Variants in WWOX observed in about 807,000 individuals in gnomAD.
WWOX encodes the protein WW domain containing oxidoreductase, also known as WW domain-containing oxidoreductase.
In WWOX, 69 loss-of-function variants were observed where a neutral mutation model predicts 46.2. The ratio of observed to expected loss-of-function variants is 1.49; its 90% CI spans 1.23 to 1.82. The LOEUF (loss-of-function observed/expected upper bound fraction) is 1.82. Ranked by LOEUF, WWOX falls within the 40% of genes most tolerant of loss-of-function variation. The probability of loss-of-function intolerance (pLI) is 0.00; values close to 1 mark genes in which losing one functional copy is unlikely to be tolerated. For synonymous variants in WWOX, 359 were observed against 202.6 expected, an observed-to-expected ratio of 1.77 and a Z score of -6.56; for missense variants, 919 against 542.6, an observed-to-expected ratio of 1.69 and a Z score of -6.89.
chr16:78,874,601 A>C (rs993390805), intron 8 of WWOX, among the ~76,000 whole-genome samples: 3 of 151,768 alleles, frequency 2.0e-5, no homozygotes, highest in Admixed American at 6.6e-5. Context: ...TCTGATGGCA[A>C]GTGACTTAAA....
intron 8 of WWOX, among the ~76,000 whole-genome samples, chr16:78,863,211 G>A (rs1264071152): frequency 1.3e-5 from 2 of 152,094 alleles, no homozygotes; most frequent in African/African-American, 4.8e-5. Context: ...ACCCGCCTTG[G>A]CCTCCCAAAG....
chr16:78,370,394 A>G (rs1228983321), intron 5 of WWOX, among the ~76,000 whole-genome samples: 3 of 152,158 alleles, frequency 2.0e-5, no homozygotes, highest in Admixed American at 6.5e-5. Context: ...CATCATTAAT[A>G]TTATTCATTG....
chr16:79,067,597 C>T (rs1441859564), intron 8 of WWOX, among the ~76,000 whole-genome samples: 2 of 140,700 alleles, frequency 1.4e-5, no homozygotes, highest in South Asian at 4.6e-4. Context: ...CCTCTGCCTG[C>T]CCTGGGTTTT....
At chr16:78,830,894 G>A (rs925238049) in intron 8 of WWOX, among the ~76,000 whole-genome samples, 2 of 152,076 alleles carry the variant, frequency 1.3e-5, no homozygotes, top group Non-Finnish European at 2.9e-5. Flanking sequence ...ATAGCCATCA[G>A]GTCAGGTGCG....
intron 8 of WWOX, chr16:78,890,346 C>G (rs2044562752): frequency 6.6e-6 from 1 of 152,198 alleles, no homozygotes; most frequent in Admixed American, 6.5e-5. Context: ...CTCCATCATT[C>G]TTAAATTTGA....
chr16:78,591,630 C>G (rs1037469188), intron 8 of WWOX, among the ~76,000 whole-genome samples: 2 of 152,180 alleles, frequency 1.3e-5, no homozygotes, highest in South Asian at 2.1e-4. Context: ...CTTGAGTTCT[C>G]TGAGTCTCAG....
rs538252311 is a variant in WWOX at position 79,082,096 on chromosome 16, A to G, written c.1057-129512A>G. On this transcript the variant is annotated intron_variant, in intron 8 of 8. Transcript: ENST00000566780. Reference sequence around the variant, plus strand: ...GCCAAGCGAAAATACAGCATCATCAACTACATCCTTGAGCCTAGAACCTCT... The same window carrying G: ...GCCAAGCGAAAATACAGCATCATCAGCTACATCCTTGAGCCTAGAACCTCT... 1.3e-4 allele frequency among the ~76,000 whole-genome samples: 20 copies of G among 152,304 alleles called. 1 individual carries two copies. The South Asian group carries it at 4.1e-3, about 32-fold the overall frequency.
At chr16:78,374,527 AT>A (rs541225697) in intron 5 of WWOX, among the ~76,000 whole-genome samples, 6 of 70,892 alleles carry the variant, frequency 8.5e-5, no homozygotes, top group East Asian at 4.0e-4. Flanking sequence ...TCTGTCTTGA[AT>A]TTTTTTTTTT....
In WWOX at chr16:78,144,446, T is replaced by TATATATATATATATAC. The variant is rs1326231878; in HGVS notation, c.410-19736_410-19735insTATATATATATATACA. Among the ~76,000 whole-genome samples the TATATATATATATATAC allele has an allele frequency of 9.0e-4, 9 of 9,964 alleles. 1 individual carries two copies. Among genetic ancestry groups the TATATATATATATATAC allele is most frequent in the East Asian group, 4.4e-3 (1 of 228 alleles). The allele number at this position is 9,964 out of a possible 152,430, so 6.5% of individuals were successfully genotyped here. A position where few individuals can be genotyped will look rare whatever the true frequency, so the allele number is the denominator to read the frequency against. ...TGCCATTACTATATATATATATATA[T>TATATATATATATATAC]ACACATATATATATATACACACATA... On this transcript the variant is annotated intron_variant, in intron 4 of 8. Coordinates refer to ENST00000566780, the MANE Select transcript of WWOX (RefSeq NM_016373.4).
chr16:78,949,413 T>C (rs1026552944), intron 8 of WWOX, among the ~76,000 whole-genome samples: 5 of 152,194 alleles, frequency 3.3e-5, no homozygotes. Flanking sequence ...TCAGCTCATC[T>C]AGCATGTTTC....
chr16:78,709,951 G>T (rs1016945611), intron 8 of WWOX, among the ~76,000 whole-genome samples: 10 of 152,016 alleles, frequency 6.6e-5, no homozygotes, highest in Non-Finnish European at 1.3e-4. Flanking sequence ...GGATGGTCTT[G>T]AACCCCTGAT....
intron 8 of WWOX, among the ~76,000 whole-genome samples, chr16:78,785,943 G>C (rs896886608): frequency 5.3e-5 from 8 of 152,084 alleles, no homozygotes; most frequent in Non-Finnish European, 1.2e-4. Flanking sequence ...GTCTCATTCT[G>C]TCGCCCAGGC....
intron 8 of WWOX, among the ~76,000 whole-genome samples, chr16:78,671,930 C>T (rs994475631): frequency 3.3e-5 from 5 of 152,086 alleles, no homozygotes; most frequent in African/African-American, 1.2e-4. Context: ...CATCTCAACC[C>T]GTTAGGATTT....
intron 8 of WWOX, among the ~76,000 whole-genome samples, chr16:78,782,068 G>A (rs1432408015): frequency 6.6e-6 from 1 of 152,036 alleles, no homozygotes; most frequent in African/African-American, 2.4e-5. Flanking sequence ...GGTAGGTGGC[G>A]GCTGCGGGGA....
At position 78,440,629 on chromosome 16, in the gene WWOX, T is replaced by TCTTAC. The variant is rs1478701395; in HGVS notation, c.1056+7877_1056+7878insCTTAC. On this transcript the variant is annotated intron_variant, in intron 8 of 8. Coordinates refer to ENST00000566780, the MANE Select transcript of WWOX (RefSeq NM_016373.4). ...TTTCTGTAGTTTTTTTTTTTTCTTT[T>TCTTAC]TTTTTGAGACGGAGTGTCTCTCCGT... 3.5e-3 allele frequency among the ~76,000 whole-genome samples: 509 copies of TCTTAC among 145,808 alleles called. 2 individuals carry two copies. Among genetic ancestry groups the TCTTAC allele is most frequent in the African/African-American group, 0.013 (488 of 36,896 alleles).
intron 4 of WWOX, among the ~76,000 whole-genome samples, chr16:78,129,149 G>T (rs1203748504): frequency 6.6e-6 from 1 of 152,250 alleles, no homozygotes; most frequent in Admixed American, 6.5e-5. Context: ...TCCTCCCAGG[G>T]TTAGCGTCGC....
At chr16:78,672,514 C>G (rs2047491296) in intron 8 of WWOX, among the ~76,000 whole-genome samples, 1 of 152,130 alleles carries the variant, frequency 6.6e-6, no homozygotes, top group Non-Finnish European at 1.5e-5. Flanking sequence ...GATGGGTAGC[C>G]AGGTCATTAG....
At chr16:78,830,354 G>A (rs370842908) in intron 8 of WWOX, among the ~76,000 whole-genome samples, 20 of 152,048 alleles carry the variant, frequency 1.3e-4, no homozygotes, top group South Asian at 6.2e-4. Context: ...TTATCATAAT[G>A]CCTACCTGCT....
chr16:78,456,004 A>G (rs984328256), intron 8 of WWOX, among the ~76,000 whole-genome samples: 32 of 152,192 alleles, frequency 2.1e-4, no homozygotes, highest in Admixed American at 2.0e-3. Flanking sequence ...TAGCTTATCT[A>G]TTTCTCATGC....
Sources: gnomAD v4.1 joint callset for allele counts (sites outside exome capture counted in the v4.1 genomes callset) on GRCh38, gnomAD v4.1.1 for gene constraint, MANE v1.5 for transcripts, NCBI Gene and HGNC (gene_info 2026-07-23, HGNC 2026-07-21) for gene names.